The following NMB variants were observed in gnomAD, a reference collection of about 807,000 sequenced individuals.
NMB encodes neuromedin-B.
In NMB, 12 loss-of-function variants were observed where a neutral mutation model predicts 11.7. The ratio of observed to expected loss-of-function variants is 1.03; its 90% CI spans 0.66 to 1.66. The LOEUF (loss-of-function observed/expected upper bound fraction) is 1.66. Among genes scored for constraint, NMB ranks in the 40% most tolerant of loss-of-function variants. The pLI is 0.00. For synonymous variants in NMB, 76 were observed against 72.6 expected, an observed-to-expected ratio of 1.05 and a Z score of -0.24; for missense variants, 174 against 157.9, an observed-to-expected ratio of 1.10 and a Z score of -0.55.
intron 2 of NMB, 103 bp downstream of exon 2, chr15:84,657,073 C>T (rs1896791627): frequency 9.3e-7 from 1 of 1,071,752 alleles, no homozygotes; most frequent in Non-Finnish European, 1.3e-6. Flanking sequence ...CCTAGTCAGA[C>T]AGTCACACCC....
chr15:84,656,887 C>A (rs1224912478), intron 2 of NMB, among the ~76,000 whole-genome samples: 1 of 152,108 alleles, frequency 6.6e-6, no homozygotes, highest in Admixed American at 6.5e-5. Flanking sequence ...GCTGATGATC[C>A]CAGTCTGTTA....
intron 1 of NMB, among the ~76,000 whole-genome samples, chr15:84,657,684 GA>G (rs1424883603): frequency 6.6e-6 from 1 of 152,168 alleles, no homozygotes. Flanking sequence ...GAGGCGCCTG[GA>G]AAGTGGAGGT....
rs144736393 is a variant in NMB at position 84,657,763 on chromosome 15, G to A, written c.157+233C>T. Among the ~76,000 whole-genome samples the A allele has an allele frequency of 3.9e-5, 6 of 152,290 alleles. No individual in the cohort carries two copies. The East Asian group carries it at 1.2e-3, about 29-fold the overall frequency. On this transcript the variant is annotated intron_variant, in intron 1 of 2. Transcript: ENST00000360476. ...CGCCTAAGGTAAGGGGCACCGGCTGGCAGTGGGATTTAGGATCTAGCCCAG... is the reference window on the plus strand; with the variant it reads ...CGCCTAAGGTAAGGGGCACCGGCTGACAGTGGGATTTAGGATCTAGCCCAG...
Position 84,657,991 on chromosome 15 carries a change from C to T in NMB, c.157+5G>A. 3.8e-6 allele frequency: 6 copies of T among 1,591,586 alleles called. No homozygotes were observed. Among genetic ancestry groups the T allele is most frequent in the African/African-American group, 1.4e-5 (1 of 72,170 alleles). On this transcript the variant is annotated splice_donor_5th_base_variant and intron_variant, in intron 1 of 2. Transcript: ENST00000360476. ...CGCTTGCTTGCTCCGTCCCCAAAGA[C>T]TTACCGGTGGCCCAGAGGTTGCCTC...
chr15:84,657,451 G>A (rs1896798676), intron 1 of NMB, 103 bp from the exon 2 acceptor site: 2 of 1,138,262 alleles, frequency 1.8e-6, no homozygotes, highest in African/African-American at 1.6e-5. Flanking sequence ...GTAGCGGGAA[G>A]ACACTTAACC....
rs753720236 is a variant in NMB at position 84,657,157 on chromosome 15, G to T, written c.330+19C>A. On this transcript the variant is annotated intron_variant, in intron 2 of 2. Coordinates refer to ENST00000360476, the MANE Select transcript of NMB (RefSeq NM_021077.4). Reference sequence around the variant, plus strand: ...CCCCAGCTGGGCCCTCCTGACATTGGAGCAGGGGCCCGGCTCACCTGGATT... The same window carrying T: ...CCCCAGCTGGGCCCTCCTGACATTGTAGCAGGGGCCCGGCTCACCTGGATT... 2.8e-5 allele frequency: 45 copies of T among 1,602,356 alleles called. No individual in the cohort carries two copies. The highest frequency in any genetic ancestry group is 3.5e-5 in the Non-Finnish European group (41 of 1,176,670).
chr15:84,657,427 A>G, intron 1 of NMB, 79 bp from the exon 2 acceptor site: 1 of 1,290,586 alleles, frequency 7.7e-7, no homozygotes, highest in Non-Finnish European at 1.0e-6. Flanking sequence ...CATCTCTCCC[A>G]CGTTTCCGTT....
In NMB at chr15:84,655,210, C is replaced by A. The variant is rs557714243; in HGVS notation, c.*164G>T. ...GCAGGAACATAATCTGTGTCTGCAT[C>A]AGCGATATTTCTGGTGACCCAGCCA... is the stretch of plus-strand genomic sequence containing the variant. On this transcript the variant is annotated 3_prime_UTR_variant, in exon 3 of 3. Transcript: ENST00000360476. 9 of 1,524,308 alleles carry A rather than the reference C, an allele frequency of 5.9e-6. No homozygotes were observed. In the Admixed American group the frequency reaches 1.4e-4, roughly 24 times the overall value. The allele number at this position is 1,524,308 out of a possible 1,614,324, so 94.4% of individuals were successfully genotyped here.
At chr15:84,656,915 A>G (rs566853700) in intron 2 of NMB, among the ~76,000 whole-genome samples, 2 of 152,266 alleles carry the variant, frequency 1.3e-5, no homozygotes, top group South Asian at 4.1e-4. Flanking sequence ...CTGGGTGATG[A>G]GTCAGGGGAA....
At chr15:84,657,920 C>A in intron 1 of NMB, 76 bp downstream of exon 1, 5 of 1,474,206 alleles carry the variant, frequency 3.4e-6, no homozygotes, top group Non-Finnish European at 4.5e-6. Flanking sequence ...GGCTGAGGAG[C>A]GGCCAGAGGG....
chr15:84,657,597 C>CT (rs1433862608), intron 1 of NMB, among the ~76,000 whole-genome samples: 2 of 152,112 alleles, frequency 1.3e-5, no homozygotes, highest in African/African-American at 4.8e-5. Context: ...GGTCCAGGGC[C>CT]AGGGAGAAAC....
At position 84,657,314 on chromosome 15, in the gene NMB, G is replaced by A; in HGVS notation, c.192C>T (p.Ser64=). Residue 64 remains serine, a synonymous_variant, in exon 2 of 3, where the codon TCC becomes TCT. Coordinates refer to ENST00000360476, the MANE Select transcript of NMB (RefSeq NM_021077.4). ...GAGCTGTCCCCAATGGGGATGGGCT[G>A]GAAGGCTCCAGACTCTTCTTGCCCA... The part of the protein sequence containing the change: ...HFMGKKSLEP[S]SPSPLGTAPH... 1.3e-6 allele frequency: 2 copies of A among 1,576,734 alleles called. No individual in the cohort carries two copies. Among genetic ancestry groups the A allele is most frequent in the Non-Finnish European group, 8.6e-7 (1 of 1,161,060 alleles).
chr15:84,657,160 C>T lies in NMB; in HGVS notation c.330+16G>A. Reference sequence around the variant, plus strand: ...CAGCTGGGCCCTCCTGACATTGGAGCAGGGGCCCGGCTCACCTGGATTTGG... The same window carrying T: ...CAGCTGGGCCCTCCTGACATTGGAGTAGGGGCCCGGCTCACCTGGATTTGG... On this transcript the variant is annotated intron_variant, in intron 2 of 2. Transcript: ENST00000360476. 6 of 1,602,836 alleles carry T rather than the reference C, an allele frequency of 3.7e-6. No individual in the cohort carries two copies. Among genetic ancestry groups the T allele is most frequent in the Non-Finnish European group, 4.2e-6 (5 of 1,176,788 alleles).
chr15:84,655,485 G>C, intron 2 of NMB, 76 bp from the exon 3 acceptor site: 1 of 1,587,636 alleles, frequency 6.3e-7, no homozygotes, highest in Non-Finnish European at 8.6e-7. Flanking sequence ...CCATTCCTAA[G>C]TGCCAGATGT....
At chr15:84,655,561 G>A in intron 2 of NMB, 152 bp from the exon 3 acceptor site, 1 of 946,686 alleles carries the variant, frequency 1.1e-6, no homozygotes, top group South Asian at 1.4e-5. Flanking sequence ...AATTGCCTTG[G>A]AGGGGTCGGG....
At chr15:84,655,447 G>A (rs915541032) in intron 2 of NMB, 38 bp from the exon 3 acceptor site, 2 of 1,611,966 alleles carry the variant, frequency 1.2e-6, no homozygotes, top group Admixed American at 1.7e-5. Flanking sequence ...GCCAGGGAGG[G>A]GCTCCTGATA....
chr15:84,657,460 C>A, intron 1 of NMB, 112 bp from the exon 2 acceptor site: 1 of 1,034,290 alleles, frequency 9.7e-7, no homozygotes, highest in African/African-American at 1.7e-5. Flanking sequence ...AGACACTTAA[C>A]CTTCCTCCTC....
At position 84,655,281 on chromosome 15, in the gene NMB, A is replaced by G. The variant is rs761202544; in HGVS notation, c.*93T>C. Reference sequence around the variant, plus strand: ...ACAGAGATTTGAGCTCAGGATTTACATCCAGATGGGGCCATCAACAGGGTC... The same window carrying G: ...ACAGAGATTTGAGCTCAGGATTTACGTCCAGATGGGGCCATCAACAGGGTC... On this transcript the variant is annotated 3_prime_UTR_variant, in exon 3 of 3. Coordinates refer to ENST00000360476, the MANE Select transcript of NMB (RefSeq NM_021077.4). 6.2e-7 allele frequency: 1 copy of G among 1,606,630 alleles called. No individual in the cohort carries two copies. The highest frequency in any genetic ancestry group is 8.5e-7 in the Non-Finnish European group (1 of 1,176,054).
At position 84,658,139 on chromosome 15, in the gene NMB, G is replaced by C; in HGVS notation, c.14C>G (p.Ala5Gly). Reference sequence around the variant, plus strand: ...GCTGCCGAACATCCGAGCGCCCCCCGCCCGCCGGGCCATGGCTGTGCCCGG... The same window carrying C: ...GCTGCCGAACATCCGAGCGCCCCCCCCCCGCCGGGCCATGGCTGTGCCCGG... MARR[A>G]GGARMFGSLL... The change falls in exon 1 of 3, where the codon GCG becomes GGG. Residue 5 changes from alanine (A) to glycine (G), a missense_variant. By Grantham distance (60) the Ala-to-Gly change is moderately conservative. Around this residue, in one of 2 missense-constraint regions of NMB, gnomAD observed 168 missense variants for 138.4 expected, o/e 1.21. Transcript: ENST00000360476. 7 of 1,507,118 alleles carry C rather than the reference G, an allele frequency of 4.6e-6. No homozygotes were observed. The highest frequency in any genetic ancestry group is 6.2e-6 in the Non-Finnish European group (7 of 1,136,614). The allele number at this position is 1,507,118 out of a possible 1,614,324, so 93.4% of individuals were successfully genotyped here.
Sources: gnomAD v4.1 joint callset for allele counts (sites outside exome capture counted in the v4.1 genomes callset) on GRCh38, gnomAD v4.1.1 for gene constraint, gnomAD v4.1.1 regional missense constraint, MANE v1.5 for transcripts, NCBI Gene and HGNC (gene_info 2026-07-23, HGNC 2026-07-21) for gene names.